Variants in LFNG observed in about 807,000 individuals in gnomAD.
LFNG encodes LFNG O-fucosylpeptide 3-beta-N-acetylglucosaminyltransferase.
Under a neutral mutation model 32.7 loss-of-function variants are expected in LFNG, and 15 were observed. The ratio of observed to expected loss-of-function variants is 0.46; its 90% confidence interval spans 0.31 to 0.71. The LOEUF is 0.71. Ranked by LOEUF, LFNG falls within the 30% of genes least tolerant of loss-of-function variation. LFNG has a pLI of 0.06. For missense variants in LFNG, 520 were observed against 545.7 expected, an observed-to-expected ratio of 0.95 and a Z score of 0.47; for synonymous variants, 274 against 246.8, an observed-to-expected ratio of 1.11 and a Z score of -1.03.
At chr7:2,515,603 C>T (rs1779610578), upstream of LFNG, among the ~76,000 whole-genome samples, 1 of 152,222 alleles carries the variant, frequency 6.6e-6, no homozygotes, top group Non-Finnish European at 1.5e-5. Context: ...AGAGTGCAGG[C>T]AAAAGGGCCA....
Position 2,520,441 on chromosome 7 carries a change from ACCCAGTTTGCCTG to A in LFNG, c.432+150_432+162del. On this transcript the variant is annotated intron_variant, in intron 1 of 7. Transcript: ENST00000222725. The surrounding 1 kb of genome is among the most constrained non-coding windows in gnomAD (Gnocchi z 5.0). ...GGGCGACGCCAGTGCACCCCGGTGC[ACCCAGTTTGCCTG>A]CTGGGGCCACTCTCCCGTTACAGTT... is the stretch of plus-strand genomic sequence containing the variant. 4.1e-6 allele frequency: 3 copies of A among 726,228 alleles called. No individual in the cohort carries two copies. Among genetic ancestry groups the A allele is most frequent in the Non-Finnish European group, 6.5e-6 (3 of 463,988 alleles). The allele number at this position is 726,228 out of a possible 1,614,324, so 45.0% of individuals were successfully genotyped here.
chr7:2,518,453 C>T (rs1228350340), upstream of LFNG: 13 of 791,878 alleles, frequency 1.6e-5, no homozygotes, highest in South Asian at 8.2e-5. Flanking sequence ...TGGGCTACAG[C>T]GTCCTTAGCG....
At chr7:2,516,162 G>A (rs548395282), upstream of LFNG, among the ~76,000 whole-genome samples, 151 of 152,334 alleles carry the variant, frequency 9.9e-4, no homozygotes, top group African/African-American at 3.2e-3. Flanking sequence ...AGGCTTGCCC[G>A]AGCCACAGCC....
upstream of LFNG, chr7:2,513,473 G>C (rs961007888): frequency 4.0e-6 from 4 of 991,408 alleles, no homozygotes; most frequent in Middle Eastern, 2.8e-4. Context: ...CTGGGATCAG[G>C]GAGGTACACA....
rs1254482092 is a variant in LFNG at position 2,526,808 on chromosome 7, C to T, written c.988-28C>T. The T allele has an allele frequency of 6.2e-7, 1 of 1,608,500 alleles. No homozygotes were observed. Among genetic ancestry groups the T allele is most frequent in the East Asian group, 2.2e-5 (1 of 44,814 alleles). ...GGGGCCCAGGGATGTCGGGCCCCTC[C>T]CGGCATCACTCCGCCCGCTCCCCAC... On this transcript the variant is annotated intron_variant, in intron 6 of 7. Coordinates refer to ENST00000222725, the MANE Select transcript of LFNG (RefSeq NM_001040167.2). The surrounding 1 kb of genome is among the most constrained non-coding windows in gnomAD (Gnocchi z 6.9).
chr7:2,527,156 A>C lies in LFNG; in HGVS notation c.1084A>C (p.Ile362Leu). The change falls in exon 8 of 8, where the codon ATC becomes CTC. Residue 362 changes from isoleucine (I) to leucine (L), a missense_variant. Physicochemically the swap from Ile to Leu is conservative, Grantham distance 5. Around this residue, in one of 3 missense-constraint regions of LFNG, gnomAD observed 150 missense variants for 159.9 expected, o/e 0.94. Coordinates refer to ENST00000222725, the MANE Select transcript of LFNG (RefSeq NM_001040167.2). The surrounding 1 kb of genome is among the most constrained non-coding windows in gnomAD (Gnocchi z 4.4). ...GCTCTGTTCCCACAGGTTCCGCTCC[A>C]TCCACTGCCACCTGTACCCGGACAC... The part of the protein sequence containing the change: ...VEADPSRFRS[I>L]HCHLYPDTPW... 6.2e-7 allele frequency: 1 copy of C among 1,612,730 alleles called. No homozygotes were observed. The highest frequency in any genetic ancestry group is 2.2e-5 in the East Asian group (1 of 44,846).
chr7:2,525,801 G>A lies in LFNG; in HGVS notation c.821+31G>A, dbSNP rs370530741. ...TGCCCTGCACAGGTTAGGCCAGCCC[G>A]GTCCCAGGCTCCTCGCCACTGTGGG... On this transcript the variant is annotated intron_variant, in intron 5 of 7. Transcript: ENST00000222725. 5.7e-5 allele frequency: 90 copies of A among 1,580,474 alleles called. No homozygotes were observed. In the Middle Eastern group the frequency reaches 6.1e-4, roughly 11 times the overall value.
At chr7:2,528,870 G>A, downstream of LFNG, 1 of 582,422 alleles carries the variant, frequency 1.7e-6, no homozygotes, top group South Asian at 2.0e-5. Context: ...GCCTCACTTT[G>A]CAGGTGGGGA....
At position 2,520,086 on chromosome 7, in the gene LFNG, C is replaced by A. The variant is rs1047044671; in HGVS notation, c.225C>A (p.Ser75=). ...GALVRDVHSL[S]EYFSLLTRAR... ...TGGTCCGCGACGTGCACAGTCTGTC[C>A]GAGTACTTCAGCCTGCTCACCCGCG... The change falls in exon 1 of 8, where the codon TCC becomes TCA. Residue 75 remains serine (S), a synonymous_variant. Coordinates refer to ENST00000222725, the MANE Select transcript of LFNG (RefSeq NM_001040167.2). The surrounding 1 kb of genome is among the most constrained non-coding windows in gnomAD (Gnocchi z 5.0). 84 of 1,318,160 alleles carry A rather than the reference C, an allele frequency of 6.4e-5. No homozygotes were observed. The African/African-American group carries it at 1.3e-3, about 20-fold the overall frequency. The allele number at this position is 1,318,160 out of a possible 1,614,324, so 81.7% of individuals were successfully genotyped here. A position where few individuals can be genotyped will look rare whatever the true frequency, so the allele number is the denominator to read the frequency against.
chr7:2,524,040 G>A (rs533803330), intron 1 of LFNG, among the ~76,000 whole-genome samples: 23 of 152,278 alleles, frequency 1.5e-4, no homozygotes, highest in Admixed American at 2.0e-4. Flanking sequence ...AATGGGCGGC[G>A]CGGCCACTCT....
intron 1 of LFNG, chr7:2,512,799 C>A: frequency 9.9e-7 from 1 of 1,006,380 alleles, no homozygotes; most frequent in Admixed American, 1.9e-5. Context: ...AGTACCCCTG[C>A]ATTCTACACC....
upstream of LFNG, among the ~76,000 whole-genome samples, chr7:2,518,387 C>T (rs1031085428): frequency 3.9e-5 from 6 of 152,204 alleles, no homozygotes; most frequent in Non-Finnish European, 8.8e-5. Flanking sequence ...CCATCCCCCA[C>T]ACCACCCAGC....
chr7:2,519,561 C>G (rs964274881), upstream of LFNG, among the ~76,000 whole-genome samples: 2 of 149,780 alleles, frequency 1.3e-5, no homozygotes, highest in African/African-American at 4.9e-5. Flanking sequence ...CTACCCGGGG[C>G]GGGGGGGGTG....
At chr7:2,515,805 TGGGAATGGTGGGG>T (rs1361840009), upstream of LFNG, among the ~76,000 whole-genome samples, 2 of 152,270 alleles carry the variant, frequency 1.3e-5, no homozygotes, top group East Asian at 3.9e-4. Flanking sequence ...CAGGCAGGGT[TGGGAATGGTGGGG>T]GTGCTACTCA....
Position 2,520,094 on chromosome 7 carries a change from TC to T in LFNG, c.234del (p.Phe78LeufsTer67). 7.5e-7 allele frequency: 1 copy of T among 1,334,814 alleles called. No homozygotes were observed. The highest frequency in any genetic ancestry group is 3.7e-5 in the East Asian group (1 of 27,176). The allele number at this position is 1,334,814 out of a possible 1,614,324, so 82.7% of individuals were successfully genotyped here. ...VRDVHSLSEYFSLLTRARRDA... is the reference protein window; with the variant it reads ...VRDVHSLSEYXSLLTRARRDA... ...GACGTGCACAGTCTGTCCGAGTACTTCAGCCTGCTCACCCGCGCGCGCAGAG... is the reference window on the plus strand; with the variant it reads ...GACGTGCACAGTCTGTCCGAGTACTTAGCCTGCTCACCCGCGCGCGCAGAG... On this transcript the variant is annotated frameshift_variant, in exon 1 of 8. Coordinates refer to ENST00000222725, the MANE Select transcript of LFNG (RefSeq NM_001040167.2). LOFTEE classifies it high-confidence loss of function. The surrounding 1 kb of genome is among the most constrained non-coding windows in gnomAD (Gnocchi z 5.0).
chr7:2,518,052 A>G, upstream of LFNG: 1 of 471,634 alleles, frequency 2.1e-6, no homozygotes, highest in African/African-American at 2.1e-5. Context: ...GATATGGGAG[A>G]GCCTGAAGTC....
At chr7:2,518,094 A>C (rs544337084), upstream of LFNG, 7 of 322,218 alleles carry the variant, frequency 2.2e-5, no homozygotes, top group South Asian at 2.5e-4. Context: ...GGGGTCATGG[A>C]CACCCCTCAG....
Position 2,524,898 on chromosome 7 carries a change from C to T in LFNG, c.481+155C>T, listed in dbSNP as rs1583275767. The stretch of plus-strand genomic sequence containing the variant: ...GGGGTTTGCTCCATGCCCCGCCCCA[C>T]CACTCGGGCCCCCCAATTCTCATGC... On this transcript the variant is annotated intron_variant, in intron 2 of 7. Coordinates refer to ENST00000222725, the MANE Select transcript of LFNG (RefSeq NM_001040167.2). Among the ~76,000 whole-genome samples the T allele has an allele frequency of 2.6e-5, 4 of 152,342 alleles. No homozygotes were observed. The South Asian group carries it at 6.2e-4, about 24-fold the overall frequency.
At chr7:2,514,722 T>G (rs968070157), upstream of LFNG, among the ~76,000 whole-genome samples, 23 of 126,490 alleles carry the variant, frequency 1.8e-4, no homozygotes, top group Middle Eastern at 4.8e-3. Context: ...ATCTGTCCAT[T>G]CACCTGTCCA....
Sources: allele counts gnomAD v4.1 joint callset (sites outside exome capture counted in the v4.1 genomes callset), GRCh38; gene constraint gnomAD v4.1.1; regional missense constraint gnomAD v4.1.1; non-coding constraint Gnocchi (gnomAD v3.1); transcripts MANE v1.5; gene names NCBI Gene and HGNC (gene_info 2026-07-23, HGNC 2026-07-21).